The following ATP10D variants were observed in gnomAD, a reference collection of about 807,000 sequenced individuals.
ATP10D encodes the protein ATPase phospholipid transporting 10D (putative), also known as phospholipid-transporting ATPase VD.
ATP10D carries 89 observed loss-of-function variants against 144.8 expected under a neutral mutation model. The ratio of observed to expected loss-of-function variants is 0.61; its 90% CI spans 0.52 to 0.73. The LOEUF (loss-of-function observed/expected upper bound fraction) is 0.73. Ranked by LOEUF, ATP10D falls within the 30% of genes least tolerant of loss-of-function variation. The pLI, the probability that ATP10D is intolerant of heterozygous loss-of-function variation, is 0.00. For synonymous variants in ATP10D, 571 were observed against 615.1 expected (o/e 0.93, Z 1.06); for missense variants, 1,603 against 1,714.8 (o/e 0.93, Z 1.15).
intron 1 of ATP10D, among the ~76,000 whole-genome samples, chr4:47,496,319 G>A (rs900875443): frequency 9.2e-5 from 14 of 151,428 alleles, no homozygotes; most frequent in Admixed American, 8.6e-4. Flanking sequence ...CACCACGCCC[G>A]GCTAATTTTG....
chr4:47,570,919 A>G (rs779873974), intron 16 of ATP10D, among the ~76,000 whole-genome samples: 12 of 152,316 alleles, frequency 7.9e-5, no homozygotes, highest in Non-Finnish European at 1.2e-4. Flanking sequence ...AAGATCTCAG[A>G]GACTCCAGTG....
chr4:47,557,938 G>T lies in ATP10D; in HGVS notation c.2099G>T (p.Gly700Val), dbSNP rs1719071627. 6.2e-7 allele frequency: 1 copy of T among 1,614,176 alleles called. No individual in the cohort carries two copies. Among genetic ancestry groups the T allele is most frequent in the Non-Finnish European group, 8.5e-7 (1 of 1,180,036 alleles). ...TGCACAGAAACAGAGAAACAACACGGTGATGCAGGCCTCCTGAATGGCAAG... is the reference window on the plus strand; with the variant it reads ...TGCACAGAAACAGAGAAACAACACGTTGATGCAGGCCTCCTGAATGGCAAG... Reference protein sequence around the residue: ...ACCTETEKQHGDAGLLNGKAE... With the variant: ...ACCTETEKQHVDAGLLNGKAE... Residue 700 changes from glycine to valine, a missense_variant, in exon 12 of 23, where the codon GGT (glycine) becomes GTT (valine). By Grantham distance (109) the Gly-to-Val change is moderately radical. Transcript: ENST00000273859.
intron 3 of ATP10D, among the ~76,000 whole-genome samples, chr4:47,515,914 A>G (rs112382220): frequency 0.098 from 14,970 of 152,262 alleles, 878 homozygotes; most frequent in Non-Finnish European, 0.13. Context: ...TCTGTAACTC[A>G]TGTATAAGTG....
chr4:47,556,428 A>G (rs916605739), intron 11 of ATP10D, among the ~76,000 whole-genome samples: 1 of 152,168 alleles, frequency 6.6e-6, no homozygotes, highest in African/African-American at 2.4e-5. Context: ...CCCAAAAAAT[A>G]TTTTTCTAAT....
At chr4:47,560,378 A>G (rs1315716997) in intron 13 of ATP10D, 1 of 151,984 alleles carries the variant, frequency 6.6e-6, no homozygotes, top group Admixed American at 6.6e-5. Context: ...TTCATTAACC[A>G]CATAAAATAA....
At chr4:47,502,739 G>A (rs1299171260) in intron 1 of ATP10D, among the ~76,000 whole-genome samples, 2 of 150,018 alleles carry the variant, frequency 1.3e-5, no homozygotes, top group Non-Finnish European at 3.0e-5. Flanking sequence ...TTATTCTCAC[G>A]AGAGAACTGA....
Position 47,559,503 on chromosome 4 carries a change from T to C in ATP10D, c.2541+474T>C, listed in dbSNP as rs151149921. The stretch of plus-strand genomic sequence containing the variant: ...ATCCAGGTAAATATCCTAGATATTA[T>C]CTCAGTATTGATTATTCTTTATTGA... On this transcript the variant is annotated intron_variant, in intron 13 of 22. Transcript: ENST00000273859. 1.3e-4 allele frequency among the ~76,000 whole-genome samples: 20 copies of C among 152,348 alleles called. No homozygotes were observed. The East Asian group carries it at 3.9e-3, about 29-fold the overall frequency.
chr4:47,560,811 T>G, intron 13 of ATP10D, 138 bp from the exon 14 acceptor site: 3 of 1,052,464 alleles, frequency 2.9e-6, no homozygotes, highest in Non-Finnish European at 4.2e-6. Flanking sequence ...TGTGAGGATA[T>G]GGATCTGACA....
chr4:47,564,511 A>G (rs948128109), intron 15 of ATP10D, among the ~76,000 whole-genome samples: 1 of 152,166 alleles, frequency 6.6e-6, no homozygotes, highest in Admixed American at 6.5e-5. Flanking sequence ...ATTTTATGGC[A>G]ATTCTAAAAA....
rs974834968 is a variant in ATP10D at position 47,536,924 on chromosome 4, G to T, written c.1382G>T (p.Cys461Phe). The T allele has an allele frequency of 6.2e-7, 1 of 1,606,264 alleles. No homozygotes were observed. The highest frequency in any genetic ancestry group is 1.3e-5 in the African/African-American group (1 of 74,438). ...TGTAGTGTGGCAGGATTTGATTACT[G>T]CCATGAAGAAAATGGTGAGTGTTGG... Reference protein sequence around the residue: ...RRCSVAGFDYCHEENARRLES... With the variant: ...RRCSVAGFDYFHEENARRLES... Residue 461 changes from cysteine (C) to phenylalanine (F), a missense_variant, in exon 9 of 23, where the codon TGC (cysteine) becomes TTC (phenylalanine). Cys to Phe is a radical substitution (Grantham distance 205). Coordinates refer to ENST00000273859, the MANE Select transcript of ATP10D (RefSeq NM_020453.4).
At chr4:47,534,216 A>G (rs1416913401) in intron 5 of ATP10D, among the ~76,000 whole-genome samples, 1 of 152,050 alleles carries the variant, frequency 6.6e-6, no homozygotes, top group African/African-American at 2.4e-5. Context: ...AAACCAGGTC[A>G]TTTTGCCTGC....
At chr4:47,491,242 T>C in intron 1 of ATP10D, 1 of 785,078 alleles carries the variant, frequency 1.3e-6, no homozygotes, top group Non-Finnish European at 2.3e-6. Context: ...TTTACAACAA[T>C]GCCAACAGCA....
chr4:47,573,173 G>C (rs1720056193), intron 18 of ATP10D, among the ~76,000 whole-genome samples, 176 bp downstream of exon 18: 1 of 152,172 alleles, frequency 6.6e-6, no homozygotes, highest in Non-Finnish European at 1.5e-5. Context: ...CTATGTTTCA[G>C]CTGCTGACAG....
intron 17 of ATP10D, among the ~76,000 whole-genome samples, chr4:47,572,579 A>G (rs73238608): frequency 0.13 from 19,591 of 151,680 alleles, 1,597 homozygotes; most frequent in Non-Finnish European, 0.19. Flanking sequence ...GACCGAGGGA[A>G]AAAAAGGGAA....
In ATP10D at chr4:47,517,694, G is replaced by A. The variant is rs78466881; in HGVS notation, c.485+2024G>A. On this transcript the variant is annotated intron_variant, in intron 3 of 22. Transcript: ENST00000273859. ...TGACTATTTGCTAGAGTTTATGTTT[G>A]TCACATCGAGTCATTTCATTAACAT... Among the ~76,000 whole-genome samples the A allele has an allele frequency of 9.3e-3, 1,415 of 152,274 alleles. 10 individuals are homozygous for A. Among genetic ancestry groups the A allele is most frequent in the Non-Finnish European group, 0.015 (1,033 of 68,016 alleles).
rs1269835711 is a variant in ATP10D at position 47,512,838 on chromosome 4, T to C, written c.290+8T>C. 3 of 1,589,170 alleles carry C rather than the reference T, an allele frequency of 1.9e-6. No individual in the cohort carries two copies. Among genetic ancestry groups the C allele is most frequent in the Non-Finnish European group, 2.6e-6 (3 of 1,163,250 alleles). Reference sequence around the variant, plus strand: ...ATTTGAACAATTTCACAGGTACTGTTTTATTTTTGAAGAAAACCTTAGAAT... The same window carrying C: ...ATTTGAACAATTTCACAGGTACTGTCTTATTTTTGAAGAAAACCTTAGAAT... On this transcript the variant is annotated splice_region_variant and intron_variant, in intron 2 of 22. Coordinates refer to ENST00000273859, the MANE Select transcript of ATP10D (RefSeq NM_020453.4).
At chr4:47,522,392 G>A (rs1716993315) in intron 3 of ATP10D, among the ~76,000 whole-genome samples, 1 of 152,160 alleles carries the variant, frequency 6.6e-6, no homozygotes, top group Admixed American at 6.5e-5. Context: ...ATCTGAATGA[G>A]CCCATCAAAT....
intron 4 of ATP10D, among the ~76,000 whole-genome samples, chr4:47,525,267 AG>A (rs1339357755): frequency 1.3e-5 from 2 of 152,186 alleles, no homozygotes; most frequent in African/African-American, 4.8e-5. Flanking sequence ...ATTGATAAAA[AG>A]GTGTTTATAA....
chr4:47,591,931 C>T lies in ATP10D; in HGVS notation c.*550C>T, dbSNP rs911529962. ...ATACTGCTTAAAATACAGTTAGTGC[C>T]TATTAATAGCTTTTTATTTCCTATG... On this transcript the variant is annotated 3_prime_UTR_variant, in exon 23 of 23. Coordinates refer to ENST00000273859, the MANE Select transcript of ATP10D (RefSeq NM_020453.4). 5 of 152,034 alleles carry T rather than the reference C, an allele frequency of 3.3e-5. No homozygotes were observed. The highest frequency in any genetic ancestry group is 1.2e-4 in the African/African-American group (5 of 41,404). The allele number at this position is 152,034 out of a possible 1,614,324, so 9.4% of individuals were successfully genotyped here. A position where few individuals can be genotyped will look rare whatever the true frequency, so the allele number is the denominator to read the frequency against.
Sources: allele counts gnomAD v4.1 joint callset (sites outside exome capture counted in the v4.1 genomes callset), GRCh38; gene constraint gnomAD v4.1.1; transcripts MANE v1.5; gene names NCBI Gene and HGNC (gene_info 2026-07-23, HGNC 2026-07-21).